CNTNAP2: variants seen among roughly 807,000 people sequenced by gnomAD.
CNTNAP2 encodes contactin associated protein 2, also known as contactin-associated protein-like 2.
Under a neutral mutation model 155.2 loss-of-function variants are expected in CNTNAP2, and 98 were observed. The observed-to-expected ratio is 0.63, with a 90% CI of 0.54 to 0.75. The LOEUF is 0.75. Ranked by LOEUF, CNTNAP2 falls within the 30% of genes least tolerant of loss-of-function variation. CNTNAP2 has a pLI of 0.00. For missense variants in CNTNAP2, 1,727 were observed against 1,688.1 expected (o/e 1.02, Z -0.40); for synonymous variants, 651 against 631.2 (o/e 1.03, Z -0.47).
chr7:146,962,024 G>A (rs954260752), intron 3 of CNTNAP2, among the ~76,000 whole-genome samples: 1 of 152,062 alleles, frequency 6.6e-6, no homozygotes, highest in Non-Finnish European at 1.5e-5. Context: ...CAGTTACGCA[G>A]TGGTTACTTT....
intron 1 of CNTNAP2, among the ~76,000 whole-genome samples, chr7:146,696,738 T>C (rs1800788906): frequency 6.6e-6 from 1 of 152,184 alleles, no homozygotes; most frequent in Non-Finnish European, 1.5e-5. Context: ...CACTTCAAAC[T>C]ATTTTTATTT....
At position 147,578,691 on chromosome 7, in the gene CNTNAP2, T is replaced by C. The variant is rs529876006; in HGVS notation, c.1897+16434T>C. 8.8e-4 allele frequency among the ~76,000 whole-genome samples: 134 copies of C among 152,220 alleles called. 1 individual carries two copies. The highest frequency in any genetic ancestry group is 3.1e-3 in the African/African-American group (128 of 41,552). On this transcript the variant is annotated intron_variant, in intron 12 of 23. Transcript: ENST00000361727. ...TAGTGGAAAATTATTTAGTATACAG[T>C]ATAAATCATTCCTAAAATAAAAAAT...
intron 21 of CNTNAP2, among the ~76,000 whole-genome samples, chr7:148,347,067 G>A (rs977613227): frequency 2.6e-5 from 4 of 151,870 alleles, no homozygotes; most frequent in African/African-American, 9.7e-5. Flanking sequence ...GACCAGCCTG[G>A]CCAACATGGT....
intron 1 of CNTNAP2, among the ~76,000 whole-genome samples, chr7:146,288,297 C>CAAA (rs570614933): frequency 3.3e-5 from 3 of 91,242 alleles, no homozygotes; most frequent in Non-Finnish European, 4.9e-5. Context: ...GATCCTGCCT[C>CAAA]AAAAAAAAAA....
At chr7:147,832,063 T>C (rs977324032) in intron 13 of CNTNAP2, among the ~76,000 whole-genome samples, 1 of 151,014 alleles carries the variant, frequency 6.6e-6, no homozygotes, top group Non-Finnish European at 1.5e-5. Context: ...TATCTCTTGA[T>C]GGCATAGAAA....
intron 22 of CNTNAP2, among the ~76,000 whole-genome samples, chr7:148,399,084 G>A (rs959913493): frequency 9.2e-5 from 14 of 152,136 alleles, no homozygotes; most frequent in African/African-American, 3.4e-4. Context: ...TAGCAGGTGT[G>A]TTCACAAAAC....
At chr7:146,835,960 A>G (rs1181334265) in intron 2 of CNTNAP2, among the ~76,000 whole-genome samples, 1 of 152,184 alleles carries the variant, frequency 6.6e-6, no homozygotes, top group Non-Finnish European at 1.5e-5. Flanking sequence ...CAGTCGTTGC[A>G]GTTGCACAAC....
chr7:146,633,500 A>G, intron 1 of CNTNAP2, among the ~76,000 whole-genome samples: 1 of 152,186 alleles, frequency 6.6e-6, no homozygotes, highest in Non-Finnish European at 1.5e-5. Context: ...GTTAATCACA[A>G]GCTCCATAAC....
At chr7:146,925,976 C>T (rs1796599721) in intron 3 of CNTNAP2, among the ~76,000 whole-genome samples, 1 of 152,054 alleles carries the variant, frequency 6.6e-6, no homozygotes, top group African/African-American at 2.4e-5. Flanking sequence ...TTGTATGGCA[C>T]TTCTATCTTG....
chr7:146,779,989 C>A (rs183523698), intron 2 of CNTNAP2, among the ~76,000 whole-genome samples: 2 of 152,272 alleles, frequency 1.3e-5, no homozygotes, highest in East Asian at 3.9e-4. Context: ...TTAAAAGACA[C>A]CACTTTATAC....
At position 147,310,207 on chromosome 7, in the gene CNTNAP2, G is replaced by A. The variant is rs1043703090; in HGVS notation, c.1498+9917G>A. The stretch of plus-strand genomic sequence containing the variant: ...TTATTGTGATATTCTACATGCCTTT[G>A]CCTTTTTCTGGCTCTTACAACTGGC... On this transcript the variant is annotated intron_variant, in intron 9 of 23. Transcript: ENST00000361727. Among the ~76,000 whole-genome samples the A allele has an allele frequency of 5.9e-5, 9 of 151,926 alleles. No homozygotes were observed. In the East Asian group the frequency reaches 1.7e-3, roughly 29 times the overall value.
In CNTNAP2 at chr7:147,211,097, A is replaced by G. The variant is rs530036585; in HGVS notation, c.1348+78588A>G. Among the ~76,000 whole-genome samples, 11 of 151,584 alleles carry G rather than the reference A, an allele frequency of 7.3e-5. No homozygotes were observed. The South Asian group carries it at 2.1e-3, about 29-fold the overall frequency. The stretch of plus-strand genomic sequence containing the variant: ...GGAGTAGGTTTTATGTGCAGATGAT[A>G]ATGTATTGTATAGTTGATAGGTGAT... On this transcript the variant is annotated intron_variant, in intron 8 of 23. Transcript: ENST00000361727.
chr7:146,867,043 G>T (rs933624464), intron 3 of CNTNAP2, among the ~76,000 whole-genome samples: 1 of 151,992 alleles, frequency 6.6e-6, no homozygotes, highest in African/African-American at 2.4e-5. Context: ...AGGTTTGGTG[G>T]GTACATGTGG....
chr7:146,836,227 G>A (rs1299501351), intron 2 of CNTNAP2, among the ~76,000 whole-genome samples: 1 of 143,948 alleles, frequency 6.9e-6, no homozygotes, highest in Non-Finnish European at 1.5e-5. Context: ...TATAGTGAAA[G>A]GTACAGATTT....
intron 1 of CNTNAP2, among the ~76,000 whole-genome samples, chr7:146,670,748 A>G (rs1800289267): frequency 1.3e-5 from 2 of 152,154 alleles, no homozygotes; most frequent in South Asian, 2.1e-4. Context: ...GGAGCAGTCC[A>G]TCTTTCACAG....
At chr7:147,384,824 G>T (rs1337099656) in intron 9 of CNTNAP2, among the ~76,000 whole-genome samples, 1 of 152,128 alleles carries the variant, frequency 6.6e-6, no homozygotes, top group Non-Finnish European at 1.5e-5. Context: ...GGATAAAAAG[G>T]CCACTACTGT....
At chr7:146,219,246 A>C (rs810596) in intron 1 of CNTNAP2, among the ~76,000 whole-genome samples, 106,536 of 152,022 alleles carry the variant, frequency 0.7, 38,163 homozygotes, top group East Asian at 0.94. Flanking sequence ...TTACAATTTG[A>C]GATGAGATTT....
chr7:146,405,191 A>C (rs982449094), intron 1 of CNTNAP2, among the ~76,000 whole-genome samples: 1 of 152,192 alleles, frequency 6.6e-6, no homozygotes, highest in African/African-American at 2.4e-5. Context: ...TTGTCCCTGA[A>C]GCTACCTGCA....
At chr7:146,195,535 A>G (rs1798763094) in intron 1 of CNTNAP2, among the ~76,000 whole-genome samples, 1 of 152,200 alleles carries the variant, frequency 6.6e-6, no homozygotes, top group Admixed American at 6.5e-5. Context: ...TGCCAATGAT[A>G]TTTAAAAGAT....
Sources: gnomAD v4.1 joint callset for allele counts (sites outside exome capture counted in the v4.1 genomes callset) on GRCh38, gnomAD v4.1.1 for gene constraint, MANE v1.5 for transcripts, NCBI Gene and HGNC (gene_info 2026-07-23, HGNC 2026-07-21) for gene names.